The following NPAS2 variants were observed in gnomAD, a reference collection of about 807,000 sequenced individuals.
NPAS2 encodes neuronal PAS domain protein 2.
NPAS2 carries 23 observed loss-of-function variants against 107.5 expected under a neutral mutation model. That is an observed-to-expected ratio of 0.21 (90% CI 0.15 to 0.30). The LOEUF (loss-of-function observed/expected upper bound fraction) is 0.30, where lower values mean the gene tolerates loss of function less well. Among genes scored for constraint, NPAS2 ranks in the 10% least tolerant of loss-of-function variants. The pLI is 1.00. For synonymous variants in NPAS2, 403 were observed against 417.5 expected, an observed-to-expected ratio of 0.97 and a Z score of 0.42; for missense variants, 756 against 1,043.3, an observed-to-expected ratio of 0.72 and a Z score of 3.79.
intron 5 of NPAS2, among the ~76,000 whole-genome samples, chr2:100,944,131 A>G (rs1400736871): frequency 6.6e-6 from 1 of 152,212 alleles, no homozygotes; most frequent in Admixed American, 6.5e-5. Flanking sequence ...AGTGGATCAA[A>G]TATGCCTCCA....
intron 2 of NPAS2, among the ~76,000 whole-genome samples, chr2:100,906,904 G>A (rs192245825): frequency 1.2e-4 from 19 of 152,314 alleles, no homozygotes; most frequent in African/African-American, 4.3e-4. Flanking sequence ...AGATCAGAAA[G>A]CTCTAGGAAG....
rs1677643013 is a variant in NPAS2, at chr2:100,984,205, A to G, written c.1629+1828A>G. On this transcript the variant is annotated intron_variant, in intron 16 of 20. Coordinates refer to ENST00000335681, the MANE Select transcript of NPAS2 (RefSeq NM_002518.4). ...TTTGCAGTGGAATTTTCCAGAGATC[A>G]TGGAAATCCACAGATAGTCGAGACA... 2.0e-5 allele frequency: 3 copies of G among 152,354 alleles called. No individual in the cohort carries two copies. In the South Asian group the frequency reaches 6.2e-4, roughly 32 times the overall value. The allele number at this position is 152,354 out of a possible 1,614,324, so 9.4% of individuals were successfully genotyped here. A position where few individuals can be genotyped will look rare whatever the true frequency, so the allele number is the denominator to read the frequency against.
chr2:100,974,655 C>T (rs1388834067), intron 12 of NPAS2, 148 bp from the exon 13 acceptor site: 25 of 840,082 alleles, frequency 3.0e-5, no homozygotes, highest in Non-Finnish European at 4.2e-5. Flanking sequence ...ATATACTCTA[C>T]CCAAGCATCT....
At chr2:100,878,292 CA>C (rs1163339563) in intron 1 of NPAS2, 1 of 985,304 alleles carries the variant, frequency 1.0e-6, no homozygotes, top group African/African-American at 1.7e-5. Context: ...GTGAGGCAAG[CA>C]GCATTCCCTG....
intron 1 of NPAS2, among the ~76,000 whole-genome samples, chr2:100,873,958 A>C (rs1679787833): frequency 1.3e-5 from 2 of 151,890 alleles, no homozygotes; most frequent in Non-Finnish European, 2.9e-5. Context: ...TGGCAGTTTT[A>C]TATATAACCA....
intron 6 of NPAS2, 21 bp downstream of exon 6, chr2:100,948,376 T>G: frequency 6.3e-7 from 1 of 1,583,486 alleles, no homozygotes. Flanking sequence ...TTTTTCTGGT[T>G]TTACAAGCTA....
chr2:100,937,382 A>G (rs1390002565), intron 4 of NPAS2, among the ~76,000 whole-genome samples: 1 of 152,194 alleles, frequency 6.6e-6, no homozygotes, highest in Admixed American at 6.5e-5. Context: ...AGGGGTAGGG[A>G]GATGGGAACC....
intron 1 of NPAS2, among the ~76,000 whole-genome samples, chr2:100,891,545 G>T (rs1681070999): frequency 6.6e-6 from 1 of 152,092 alleles, no homozygotes; most frequent in Non-Finnish European, 1.5e-5. Context: ...GTGAAAAGTG[G>T]GTCCACTTCA....
At chr2:100,966,358 C>T (rs1027943207) in intron 10 of NPAS2, among the ~76,000 whole-genome samples, 1 of 152,102 alleles carries the variant, frequency 6.6e-6, no homozygotes, top group African/African-American at 2.4e-5. Flanking sequence ...GAGGCGAACA[C>T]ATTAGCAAAT....
intron 15 of NPAS2, among the ~76,000 whole-genome samples, chr2:100,981,335 C>G (rs539954439): frequency 6.6e-6 from 1 of 152,300 alleles, no homozygotes; most frequent in East Asian, 1.9e-4. Context: ...CAGAATGAAT[C>G]TAGCAAACTC....
intron 7 of NPAS2, among the ~76,000 whole-genome samples, chr2:100,958,579 A>T (rs753099259): frequency 4.0e-4 from 61 of 152,180 alleles, no homozygotes; most frequent in Non-Finnish European, 7.5e-4. Flanking sequence ...CTGTAAAAAA[A>T]TTGTGCCCCA....
intron 5 of NPAS2, among the ~76,000 whole-genome samples, chr2:100,945,239 G>C (rs575320040): frequency 6.6e-6 from 1 of 152,048 alleles, no homozygotes; most frequent in Non-Finnish European, 1.5e-5. Flanking sequence ...CCTGTCCTCC[G>C]ATCAGCCACC....
intron 3 of NPAS2, among the ~76,000 whole-genome samples, chr2:100,929,836 A>G (rs1683826078): frequency 1.3e-5 from 2 of 152,230 alleles, no homozygotes; most frequent in Non-Finnish European, 2.9e-5. Flanking sequence ...TCCTGCCGTC[A>G]TGCTAAAGGG....
chr2:100,862,059 T>C (rs1678975394), intron 1 of NPAS2, among the ~76,000 whole-genome samples: 1 of 152,264 alleles, frequency 6.6e-6, no homozygotes, highest in Admixed American at 6.5e-5. Flanking sequence ...AAATTAAAAT[T>C]GATAAGGGGT....
intron 20 of NPAS2, 52 bp downstream of exon 20, chr2:100,993,579 G>A (rs543926038): frequency 4.3e-4 from 573 of 1,337,226 alleles, no homozygotes; most frequent in Non-Finnish European, 5.1e-4. Context: ...GCCGGGCCAC[G>A]CTCCACACCC....
chr2:100,875,245 T>G (rs13390036), intron 1 of NPAS2, among the ~76,000 whole-genome samples: 12,423 of 152,024 alleles, frequency 0.082, 1,206 homozygotes, highest in African/African-American at 0.23. Context: ...GATTCCTAGA[T>G]ACAAAAAGCA....
chr2:100,993,293 C>T (rs1179211372), intron 19 of NPAS2, 54 bp from the exon 20 acceptor site: 27 of 1,440,674 alleles, frequency 1.9e-5, no homozygotes, highest in African/African-American at 2.9e-5. Context: ...CTTTTGGTGT[C>T]GTATCAATAC....
chr2:100,879,922 C>T (rs951247352), intron 1 of NPAS2, among the ~76,000 whole-genome samples: 2 of 152,272 alleles, frequency 1.3e-5, no homozygotes, highest in Admixed American at 6.5e-5. Flanking sequence ...TCCCTCCACA[C>T]AGGGACACCG....
At chr2:100,934,401 G>T (rs957597773) in intron 4 of NPAS2, among the ~76,000 whole-genome samples, 1 of 151,960 alleles carries the variant, frequency 6.6e-6, no homozygotes, top group Non-Finnish European at 1.5e-5. Context: ...ATAAATTTCG[G>T]GGCTAGAAGA....
Sources: gnomAD v4.1 joint callset for allele counts (sites outside exome capture counted in the v4.1 genomes callset) on GRCh38, gnomAD v4.1.1 for gene constraint, MANE v1.5 for transcripts, NCBI Gene and HGNC (gene_info 2026-07-23, HGNC 2026-07-21) for gene names.